GALNT10: variants seen among roughly 807,000 people sequenced by gnomAD.
The protein encoded by GALNT10 is polypeptide N-acetylgalactosaminyltransferase 10.
GALNT10 carries 41 observed loss-of-function variants against 75.0 expected under a neutral mutation model. The observed-to-expected ratio is 0.55, with a 90% CI of 0.43 to 0.71. The LOEUF is 0.71. Among genes scored for constraint, GALNT10 ranks in the 30% least tolerant of loss-of-function variants. The probability of loss-of-function intolerance (pLI) is 0.00; values close to 1 mark genes in which losing one functional copy is unlikely to be tolerated. For missense variants in GALNT10, 727 were observed against 818.5 expected, an observed-to-expected ratio of 0.89 and a Z score of 1.36; for synonymous variants, 302 against 313.0, an observed-to-expected ratio of 0.96 and a Z score of 0.37.
intron 8 of GALNT10, among the ~76,000 whole-genome samples, chr5:154,406,941 G>A (rs1377004740): frequency 1.3e-5 from 2 of 152,098 alleles, no homozygotes; most frequent in Non-Finnish European, 2.9e-5. Flanking sequence ...GAGATTGTAC[G>A]GACTCCGGAA....
At position 154,190,816 on chromosome 5, in the gene GALNT10, TGG is replaced by T; in HGVS notation, c.-47_-46del. ...GGGCGGACGGGCGGACGCGCGGAGC[TGG>T]GGGCGGCGCGGCGGGGCCGGCGGGG... On this transcript the variant is annotated 5_prime_UTR_variant, in exon 1 of 12. Coordinates refer to ENST00000297107, the MANE Select transcript of GALNT10 (RefSeq NM_198321.4). 1 of 862,582 alleles carries T rather than the reference TGG, an allele frequency of 1.2e-6. No homozygotes were observed. Among genetic ancestry groups the T allele is most frequent in the Non-Finnish European group, 1.4e-6 (1 of 709,716 alleles). The allele number at this position is 862,582 out of a possible 1,614,324, so 53.4% of individuals were successfully genotyped here. A position where few individuals can be genotyped will look rare whatever the true frequency, so the allele number is the denominator to read the frequency against.
intron 1 of GALNT10, among the ~76,000 whole-genome samples, chr5:154,193,568 T>G (rs1347997605): frequency 1.3e-5 from 2 of 152,384 alleles, no homozygotes; most frequent in Admixed American, 1.3e-4. Context: ...CCTGTCATTC[T>G]TGTAATTGTT....
At chr5:154,231,579 CT>C (rs1753150569) in intron 1 of GALNT10, among the ~76,000 whole-genome samples, 1 of 152,160 alleles carries the variant, frequency 6.6e-6, no homozygotes, top group Non-Finnish European at 1.5e-5. Context: ...TCTCAGCCCT[CT>C]TTTTAGTCCT....
At chr5:154,338,010 C>A in intron 4 of GALNT10, 1 of 1,557,658 alleles carries the variant, frequency 6.4e-7, no homozygotes, top group South Asian at 1.1e-5. Context: ...GCCACTGCCT[C>A]GATCAGTCAT....
chr5:154,200,284 C>T (rs1775006155), intron 1 of GALNT10, among the ~76,000 whole-genome samples: 1 of 152,186 alleles, frequency 6.6e-6, no homozygotes, highest in African/African-American at 2.4e-5. Context: ...CTCACGAGCC[C>T]AGTTCGCCAG....
At chr5:154,202,392 C>T (rs1775040040) in intron 1 of GALNT10, among the ~76,000 whole-genome samples, 1 of 152,222 alleles carries the variant, frequency 6.6e-6, no homozygotes, top group African/African-American at 2.4e-5. Flanking sequence ...ACTGGCTCCA[C>T]AGCAGAAACA....
intron 1 of GALNT10, 79 bp from the exon 2 acceptor site, chr5:154,294,737 C>T: frequency 1.3e-6 from 1 of 771,072 alleles, no homozygotes; most frequent in Non-Finnish European, 2.3e-6. Flanking sequence ...ATACAAAGCT[C>T]CCTTAGGCAG....
At chr5:154,214,151 C>T (rs915796570) in intron 1 of GALNT10, among the ~76,000 whole-genome samples, 2 of 152,096 alleles carry the variant, frequency 1.3e-5, no homozygotes, top group African/African-American at 4.8e-5. Flanking sequence ...TCCACCCACA[C>T]CTTCTTTGGT....
chr5:154,419,608 C>T lies in GALNT10; in HGVS notation c.*2636C>T, dbSNP rs1756589072. The T allele has an allele frequency of 6.6e-6, 1 of 152,182 alleles. No individual in the cohort carries two copies. Among genetic ancestry groups the T allele is most frequent in the Non-Finnish European group, 1.5e-5 (1 of 68,064 alleles). The allele number at this position is 152,182 out of a possible 1,614,324, so 9.4% of individuals were successfully genotyped here. On this transcript the variant is annotated 3_prime_UTR_variant, in exon 12 of 12. Coordinates refer to ENST00000297107, the MANE Select transcript of GALNT10 (RefSeq NM_198321.4). ...TGGGTGTGTCCTCTGAGCACTCTGGCATTTGTCATTGCTGAGCCCATATCA... is the reference window on the plus strand; with the variant it reads ...TGGGTGTGTCCTCTGAGCACTCTGGTATTTGTCATTGCTGAGCCCATATCA...
chr5:154,200,590 A>C (rs537408312), intron 1 of GALNT10, among the ~76,000 whole-genome samples: 1 of 152,118 alleles, frequency 6.6e-6, no homozygotes, highest in African/African-American at 2.4e-5. Context: ...GTGTGTGCCT[A>C]TTTGTGAAAT....
intron 1 of GALNT10, among the ~76,000 whole-genome samples, chr5:154,247,604 C>G (rs1008431534): frequency 1.3e-5 from 2 of 152,074 alleles, no homozygotes; most frequent in African/African-American, 4.8e-5. Flanking sequence ...TGATTTGGCT[C>G]TCTGTTTGTC....
At chr5:154,347,079 A>T in intron 4 of GALNT10, 1 of 473,378 alleles carries the variant, frequency 2.1e-6, no homozygotes, top group South Asian at 1.6e-5. Flanking sequence ...ATATATGAGA[A>T]CAGTAATAAA....
chr5:154,316,967 T>A (rs1754601874), intron 3 of GALNT10, among the ~76,000 whole-genome samples: 1 of 152,168 alleles, frequency 6.6e-6, no homozygotes, highest in African/African-American at 2.4e-5. Flanking sequence ...TTTACCCATC[T>A]CCAAGAACAG....
chr5:154,289,927 A>T (rs1754168715), intron 1 of GALNT10, among the ~76,000 whole-genome samples: 1 of 152,150 alleles, frequency 6.6e-6, no homozygotes, highest in South Asian at 2.1e-4. Context: ...GTCAGTAAAC[A>T]TTTGGTGATA....
intron 5 of GALNT10, among the ~76,000 whole-genome samples, chr5:154,379,021 A>G (rs556034651): frequency 2.9e-5 from 4 of 136,096 alleles, no homozygotes; most frequent in East Asian, 2.6e-4. Flanking sequence ...TTCTGATTCA[A>G]TGGGCCTGGG....
At chr5:154,311,641 TCA>T (rs1046912667) in intron 3 of GALNT10, among the ~76,000 whole-genome samples, 8 of 151,034 alleles carry the variant, frequency 5.3e-5, no homozygotes, top group Non-Finnish European at 7.4e-5. Flanking sequence ...AGACAGATTC[TCA>T]CTCTCTTGCC....
intron 1 of GALNT10, among the ~76,000 whole-genome samples, chr5:154,253,196 C>T (rs1460799909): frequency 6.6e-6 from 1 of 151,426 alleles, no homozygotes; most frequent in Non-Finnish European, 1.5e-5. Context: ...GTTTTGTGAC[C>T]ATGTCTTTCA....
chr5:154,313,063 C>T (rs1319879470), intron 3 of GALNT10, among the ~76,000 whole-genome samples: 1 of 152,154 alleles, frequency 6.6e-6, no homozygotes, highest in Non-Finnish European at 1.5e-5. Flanking sequence ...AATCCCAACA[C>T]TTTGGGAGGC....
chr5:154,391,770 G>A (rs371480646), intron 7 of GALNT10, among the ~76,000 whole-genome samples: 10 of 152,184 alleles, frequency 6.6e-5, no homozygotes, highest in African/African-American at 1.9e-4. Context: ...CATCTCACTC[G>A]GGCTAGGTCT....
Sources: gnomAD v4.1 joint callset for allele counts (sites outside exome capture counted in the v4.1 genomes callset) on GRCh38, gnomAD v4.1.1 for gene constraint, MANE v1.5 for transcripts, NCBI Gene and HGNC (gene_info 2026-07-23, HGNC 2026-07-21) for gene names.